Variants in NRG3 observed in about 807,000 individuals in gnomAD.
NRG3 encodes pro-neuregulin-3, membrane-bound isoform.
A neutral mutation model predicts 66.9 loss-of-function variants in NRG3; 31 were observed. The observed-to-expected ratio is 0.46, with a 90% CI of 0.35 to 0.63. The LOEUF (loss-of-function observed/expected upper bound fraction) is 0.63. NRG3 is among the 20% of genes least tolerant of loss of function. The probability of loss-of-function intolerance (pLI) is 0.00; values close to 1 mark genes in which losing one functional copy is unlikely to be tolerated. For missense variants in NRG3, 910 were observed against 878.9 expected, an observed-to-expected ratio of 1.04 and a Z score of -0.45; for synonymous variants, 393 against 359.4, an observed-to-expected ratio of 1.09 and a Z score of -1.06.
At chr10:82,767,486 T>C (rs1313166935) in intron 3 of NRG3, among the ~76,000 whole-genome samples, 1 of 152,126 alleles carries the variant, frequency 6.6e-6, no homozygotes, top group African/African-American at 2.4e-5. Flanking sequence ...ATCTAGAGAT[T>C]CCTGTTCATC....
At chr10:82,846,893 A>G (rs1159244793) in intron 3 of NRG3, among the ~76,000 whole-genome samples, 2 of 152,334 alleles carry the variant, frequency 1.3e-5, no homozygotes, top group East Asian at 3.9e-4. Flanking sequence ...TTGTGCTTTT[A>G]TCAATTAAGA....
intron 2 of NRG3, among the ~76,000 whole-genome samples, chr10:82,452,271 C>T (rs2091050896): frequency 6.6e-6 from 1 of 152,164 alleles, no homozygotes; most frequent in African/African-American, 2.4e-5. Context: ...TCAGACTGTC[C>T]ATCCAGAACA....
At chr10:82,610,478 T>C (rs772790968) in intron 2 of NRG3, among the ~76,000 whole-genome samples, 4 of 152,194 alleles carry the variant, frequency 2.6e-5, no homozygotes, top group Admixed American at 6.5e-5. Context: ...TGGTTTGTAA[T>C]TGACTTTTTC....
chr10:82,665,980 G>T (rs953038288), intron 2 of NRG3, among the ~76,000 whole-genome samples: 1 of 152,128 alleles, frequency 6.6e-6, no homozygotes, highest in Non-Finnish European at 1.5e-5. Flanking sequence ...TCCTGCCTCA[G>T]CCTTCAGAGT....
At chr10:81,886,076 G>A (rs565433827) in intron 1 of NRG3, among the ~76,000 whole-genome samples, 1 of 152,174 alleles carries the variant, frequency 6.6e-6, no homozygotes, top group Admixed American at 6.5e-5. Context: ...TAATACATAG[G>A]TGATGGGTTG....
chr10:81,987,729 C>T (rs928088949), intron 1 of NRG3, among the ~76,000 whole-genome samples: 10 of 152,160 alleles, frequency 6.6e-5, no homozygotes, highest in African/African-American at 2.2e-4. Flanking sequence ...TCAGAAGCTA[C>T]TAATAATAAG....
At chr10:82,245,536 T>A (rs1282821235) in intron 1 of NRG3, among the ~76,000 whole-genome samples, 1 of 152,240 alleles carries the variant, frequency 6.6e-6, no homozygotes, top group Admixed American at 6.5e-5. Context: ...GATTTAAATC[T>A]TGGATTTATT....
chr10:82,862,685 A>C (rs953494443), intron 3 of NRG3, among the ~76,000 whole-genome samples: 1 of 152,036 alleles, frequency 6.6e-6, no homozygotes, highest in African/African-American at 2.4e-5. Flanking sequence ...AGTTTGTTGC[A>C]CCTCACTTTG....
chr10:81,946,916 A>G (rs1848898207), intron 1 of NRG3, among the ~76,000 whole-genome samples: 1 of 152,098 alleles, frequency 6.6e-6, no homozygotes, highest in Non-Finnish European at 1.5e-5. Context: ...CCAAAACCTA[A>G]TCTGTAACTG....
intron 3 of NRG3, among the ~76,000 whole-genome samples, chr10:82,785,343 T>G (rs886254476): frequency 1.3e-4 from 20 of 150,728 alleles, no homozygotes; most frequent in Non-Finnish European, 2.5e-4. Flanking sequence ...ACCCTAAAAC[T>G]TAAAGTATAA....
chr10:82,695,526 A>G (rs753451085), intron 2 of NRG3, among the ~76,000 whole-genome samples: 2 of 152,208 alleles, frequency 1.3e-5, no homozygotes, highest in Middle Eastern at 6.8e-3. Context: ...ACTAAAATAT[A>G]TTTTTAAAAT....
chr10:82,980,961 A>T (rs1852818216), intron 8 of NRG3, among the ~76,000 whole-genome samples: 1 of 152,228 alleles, frequency 6.6e-6, no homozygotes, highest in Admixed American at 6.5e-5. Context: ...ATACATATAC[A>T]TAAACTCCCT....
Position 82,984,669 on chromosome 10 carries a change from G to A in NRG3, c.1584-429G>A, listed in dbSNP as rs1414018025. 11 of 1,078,930 alleles carry A rather than the reference G, an allele frequency of 1.0e-5. No homozygotes were observed. In the Admixed American group the frequency reaches 2.4e-4, roughly 23 times the overall value. 66.8% of individuals were successfully genotyped at this position (1,078,930 alleles called of 1,614,324 possible). A position where few individuals can be genotyped will look rare whatever the true frequency, so the allele number is the denominator to read the frequency against. ...CAACAAGTCTACTGGACTAACCCAG[G>A]GCTGAGAGGGTGGTCGAGTTGATGG... is the stretch of plus-strand genomic sequence containing the variant. On this transcript the variant is annotated intron_variant, in intron 8 of 8. Coordinates refer to ENST00000372141, the MANE Select transcript of NRG3 (RefSeq NM_001010848.4).
chr10:82,472,787 C>A (rs1590249985), intron 2 of NRG3, among the ~76,000 whole-genome samples: 1 of 152,224 alleles, frequency 6.6e-6, no homozygotes, highest in Non-Finnish European at 1.5e-5. Context: ...AGAGACTCAT[C>A]TACTAAGTGA....
chr10:82,727,432 G>A (rs989041840), intron 2 of NRG3, among the ~76,000 whole-genome samples: 4 of 152,362 alleles, frequency 2.6e-5, no homozygotes, highest in African/African-American at 4.8e-5. Context: ...ACTAAAAGGG[G>A]CCAAGGTACA....
intron 3 of NRG3, among the ~76,000 whole-genome samples, chr10:82,784,066 G>A (rs1002596752): frequency 5.9e-5 from 9 of 151,728 alleles, no homozygotes; most frequent in South Asian, 4.2e-4. Flanking sequence ...TATCTACAAC[G>A]ATCTGATCTT....
intron 2 of NRG3, among the ~76,000 whole-genome samples, chr10:82,440,678 A>C (rs2090391168): frequency 6.6e-6 from 1 of 152,124 alleles, no homozygotes; most frequent in Admixed American, 6.5e-5. Flanking sequence ...CAATCAATTT[A>C]CCTGTAATCC....
chr10:82,040,149 C>A (rs1447300919), intron 1 of NRG3, among the ~76,000 whole-genome samples: 1 of 152,000 alleles, frequency 6.6e-6, no homozygotes, highest in African/African-American at 2.4e-5. Flanking sequence ...TTTCTAATTT[C>A]GTTTTAATAC....
intron 2 of NRG3, among the ~76,000 whole-genome samples, chr10:82,386,048 T>C (rs376083551): frequency 2.2e-3 from 338 of 152,288 alleles, no homozygotes; most frequent in African/African-American, 6.4e-3. Flanking sequence ...AAATCACTTT[T>C]CCATGAGGCT....
Sources: gnomAD v4.1 joint callset for allele counts (sites outside exome capture counted in the v4.1 genomes callset) on GRCh38, gnomAD v4.1.1 for gene constraint, MANE v1.5 for transcripts, NCBI Gene and HGNC (gene_info 2026-07-23, HGNC 2026-07-21) for gene names.